NTRK2: variants seen among roughly 807,000 people sequenced by gnomAD.
The protein encoded by NTRK2 is neurotrophic receptor tyrosine kinase 2.
A neutral mutation model predicts 94.5 loss-of-function variants in NTRK2; 13 were observed. The ratio of observed to expected loss-of-function variants is 0.14; its 90% CI spans 0.09 to 0.22. The LOEUF is 0.22. Ranked by LOEUF, NTRK2 falls within the 10% of genes least tolerant of loss-of-function variation. NTRK2 has a pLI of 1.00. For synonymous variants in NTRK2, 372 were observed against 407.4 expected (o/e 0.91, Z 1.05); for missense variants, 639 against 1,071.2 (o/e 0.60, Z 5.63).
intron 17 of NTRK2, among the ~76,000 whole-genome samples, chr9:84,995,711 A>G (rs2133358803): frequency 6.6e-6 from 1 of 152,334 alleles, no homozygotes; most frequent in South Asian, 2.1e-4. Context: ...AGAACTAGCA[A>G]ATGGCATGGA....
chr9:84,706,979 T>A, intron 4 of NTRK2, among the ~76,000 whole-genome samples: 1 of 152,196 alleles, frequency 6.6e-6, no homozygotes, highest in South Asian at 2.1e-4. Flanking sequence ...TTTTATTTAT[T>A]AAACACATCT....
At chr9:84,719,129 A>T (rs145449121) in intron 6 of NTRK2, among the ~76,000 whole-genome samples, 1 of 152,218 alleles carries the variant, frequency 6.6e-6, no homozygotes, top group Non-Finnish European at 1.5e-5. Context: ...TTTATGGTCC[A>T]TGATGAAATG....
chr9:84,898,821 GCCAA>G (rs750101235), intron 14 of NTRK2, among the ~76,000 whole-genome samples: 3 of 151,972 alleles, frequency 2.0e-5, no homozygotes, highest in Non-Finnish European at 2.9e-5. Flanking sequence ...TCCTGCCTCA[GCCAA>G]CCAAGTAGCT....
At chr9:84,691,814 C>T (rs1049831526) in intron 2 of NTRK2, among the ~76,000 whole-genome samples, 1 of 152,054 alleles carries the variant, frequency 6.6e-6, no homozygotes, top group Non-Finnish European at 1.5e-5. Context: ...TGTGACCAGA[C>T]GGCCTCCCCA....
intron 17 of NTRK2, among the ~76,000 whole-genome samples, chr9:84,995,630 A>G (rs140830709): frequency 4.5e-4 from 68 of 152,276 alleles, no homozygotes; most frequent in African/African-American, 1.6e-3. Flanking sequence ...TAGTTACTGT[A>G]CCTGAGAATT....
intron 12 of NTRK2, among the ~76,000 whole-genome samples, chr9:84,839,434 A>G (rs532342911): frequency 3.5e-4 from 53 of 152,340 alleles, no homozygotes; most frequent in African/African-American, 1.2e-3. Flanking sequence ...AAATGAGAAT[A>G]AAAACCAGAG....
intron 4 of NTRK2, among the ~76,000 whole-genome samples, chr9:84,703,340 G>A (rs996481781): frequency 2.0e-4 from 30 of 152,216 alleles, no homozygotes; most frequent in African/African-American, 6.5e-4. Flanking sequence ...TGGTAGGACA[G>A]ATCTTTTTTA....
intron 12 of NTRK2, among the ~76,000 whole-genome samples, chr9:84,831,697 A>T (rs2073558484): frequency 6.6e-6 from 1 of 152,248 alleles, no homozygotes; most frequent in African/African-American, 2.4e-5. Context: ...GAATTCAGAC[A>T]GGGCCTTTGG....
rs200761450 is a variant in NTRK2, at chr9:85,022,410, C to T, written c.*973C>T. ...TGATAGCACTGGTTTGTTTCTCAAGCGCTATCCACAGAACCTTTGTCAACT... is the reference window on the plus strand; with the variant it reads ...TGATAGCACTGGTTTGTTTCTCAAGTGCTATCCACAGAACCTTTGTCAACT... On this transcript the variant is annotated 3_prime_UTR_variant, in exon 19 of 19. Transcript: ENST00000277120. The T allele has an allele frequency of 1.0e-4, 24 of 233,148 alleles. No individual in the cohort carries two copies. The highest frequency in any genetic ancestry group is 2.4e-4 in the East Asian group (4 of 16,568). 14.4% of individuals were successfully genotyped at this position (233,148 alleles called of 1,614,324 possible).
chr9:84,936,516 C>A (rs1381909575), intron 15 of NTRK2, among the ~76,000 whole-genome samples: 1 of 152,090 alleles, frequency 6.6e-6, no homozygotes, highest in Non-Finnish European at 1.5e-5. Flanking sequence ...CAGTGAGGCC[C>A]CTCTCTAGTT....
chr9:84,760,366 AG>A (rs2065445342), intron 12 of NTRK2, among the ~76,000 whole-genome samples: 1 of 152,222 alleles, frequency 6.6e-6, no homozygotes, highest in Non-Finnish European at 1.5e-5. Flanking sequence ...ACATTATTAA[AG>A]AAAATATTAT....
intron 12 of NTRK2, among the ~76,000 whole-genome samples, chr9:84,843,009 T>C (rs995067036): frequency 4.6e-5 from 7 of 152,196 alleles, no homozygotes; most frequent in Non-Finnish European, 1.0e-4. Context: ...CATATTCACT[T>C]TGCTTCATTT....
chr9:84,913,535 G>A (rs910435828), intron 14 of NTRK2, among the ~76,000 whole-genome samples: 22 of 152,168 alleles, frequency 1.4e-4, no homozygotes, highest in East Asian at 1.4e-3. Flanking sequence ...GTTCCTGAAC[G>A]ACATTTTTAC....
At chr9:84,700,650 C>G (rs2060663408) in intron 2 of NTRK2, among the ~76,000 whole-genome samples, 1 of 152,030 alleles carries the variant, frequency 6.6e-6, no homozygotes, top group Non-Finnish European at 1.5e-5. Flanking sequence ...GTGCCCAAAC[C>G]CTTACTATAC....
intron 13 of NTRK2, among the ~76,000 whole-genome samples, chr9:84,866,949 A>C (rs2075623733): frequency 6.6e-6 from 1 of 152,208 alleles, no homozygotes; most frequent in African/African-American, 2.4e-5. Context: ...TGTTAAGTGA[A>C]GGAAGCCAGT....
At chr9:84,721,699 A>G (rs959912120) in intron 6 of NTRK2, among the ~76,000 whole-genome samples, 3 of 152,200 alleles carry the variant, frequency 2.0e-5, no homozygotes, top group African/African-American at 7.2e-5. Flanking sequence ...TGAGCAGAGC[A>G]ATACCAAAAG....
intron 14 of NTRK2, chr9:84,872,246 G>A: frequency 8.9e-7 from 1 of 1,124,696 alleles, no homozygotes. Flanking sequence ...TTCCTTGACT[G>A]CTGAGAAACT....
At chr9:84,996,525 G>T (rs1829769785) in intron 17 of NTRK2, among the ~76,000 whole-genome samples, 1 of 152,192 alleles carries the variant, frequency 6.6e-6, no homozygotes, top group African/African-American at 2.4e-5. Flanking sequence ...ACGTGGAGGA[G>T]AAAGACCCTT....
chr9:84,879,579 T>C (rs1245148292), intron 14 of NTRK2, among the ~76,000 whole-genome samples: 1 of 152,228 alleles, frequency 6.6e-6, no homozygotes, highest in Non-Finnish European at 1.5e-5. Context: ...GATATTACTC[T>C]GTTTTACAGA....
Sources: gnomAD v4.1 joint callset for allele counts (sites outside exome capture counted in the v4.1 genomes callset) on GRCh38, gnomAD v4.1.1 for gene constraint, MANE v1.5 for transcripts, NCBI Gene and HGNC (gene_info 2026-07-23, HGNC 2026-07-21) for gene names.